Variants in MAP4K4 observed in about 807,000 individuals in gnomAD.
MAP4K4 encodes the protein HPK/GCK-like kinase HGK.
MAP4K4 carries 38 observed loss-of-function variants against 189.6 expected under a neutral mutation model. The ratio of observed to expected loss-of-function variants is 0.20; its 90% CI spans 0.15 to 0.26. The LOEUF is 0.26. Among genes scored for constraint, MAP4K4 ranks in the 10% least tolerant of loss-of-function variants. MAP4K4 has a pLI of 1.00. For synonymous variants in MAP4K4, 610 were observed against 624.3 expected, an observed-to-expected ratio of 0.98 and a Z score of 0.34; for missense variants, 1,054 against 1,726.9, an observed-to-expected ratio of 0.61 and a Z score of 6.91.
exon 20 of MAP4K4, chr2:101,867,240 T>C: frequency 6.2e-7 from 1 of 1,605,766 alleles, no homozygotes; most frequent in African/African-American, 1.3e-5. Context: ...GCTCTCCATC[T>C]CAGCGCCTGG....
At chr2:101,855,013 GA>G (rs368951880) in intron 12 of MAP4K4, among the ~76,000 whole-genome samples, 129 of 152,348 alleles carry the variant, frequency 8.5e-4, no homozygotes, top group African/African-American at 3.0e-3. Flanking sequence ...TGCAGAGACA[GA>G]ACATTTTTAT....
chr2:101,698,341 CGG>C, intron 1 of MAP4K4, 130 bp from the exon 2 acceptor site: 1 of 900,424 alleles, frequency 1.1e-6, no homozygotes, highest in Non-Finnish European at 1.8e-6. Context: ...GCGCGACCCC[CGG>C]GCGCTGGGGG....
At chr2:101,890,617 A>T (rs1460404802) in intron 32 of MAP4K4, among the ~76,000 whole-genome samples, 1 of 150,656 alleles carries the variant, frequency 6.6e-6, no homozygotes, top group South Asian at 2.1e-4. Flanking sequence ...CACCATGCCC[A>T]GCTAATTTTT....
intron 2 of MAP4K4, 56 bp downstream of exon 2, chr2:101,698,594 G>T: frequency 6.5e-7 from 1 of 1,535,570 alleles, no homozygotes; most frequent in Non-Finnish European, 9.0e-7. Flanking sequence ...CTTATTGGGG[G>T]ACGAGGAGAG....
chr2:101,861,279 T>C (rs1377935775), intron 16 of MAP4K4: 2 of 251,790 alleles, frequency 7.9e-6, no homozygotes, highest in African/African-American at 4.5e-5. Flanking sequence ...GATACAAAGA[T>C]CTTTTAGTTT....
chr2:101,848,921 G>C (rs1291168940), intron 12 of MAP4K4, among the ~76,000 whole-genome samples: 1 of 152,100 alleles, frequency 6.6e-6, no homozygotes, highest in East Asian at 1.9e-4. Context: ...GATGGTTCCA[G>C]GAGGAAAAGG....
At chr2:101,797,203 G>C in intron 3 of MAP4K4, 1 of 1,278,816 alleles carries the variant, frequency 7.8e-7, no homozygotes, top group Non-Finnish European at 1.0e-6. Flanking sequence ...AAGGGAAGGA[G>C]AGATCTCTGT....
chr2:101,883,297 TTCTCATGAAGTAAAA>T (rs974462547), intron 28 of MAP4K4, among the ~76,000 whole-genome samples: 3 of 152,238 alleles, frequency 2.0e-5, no homozygotes, highest in Non-Finnish European at 4.4e-5. Context: ...GAAGCAGTGA[TTCTCATGAAGTAAAA>T]TCTCACAGGA....
chr2:101,788,430 T>G (rs995309791), intron 2 of MAP4K4, among the ~76,000 whole-genome samples: 1 of 152,164 alleles, frequency 6.6e-6, no homozygotes, highest in African/African-American at 2.4e-5. Context: ...TAAGCAACTT[T>G]CCTGAGGAAA....
At chr2:101,761,513 A>G (rs957841865) in intron 2 of MAP4K4, among the ~76,000 whole-genome samples, 1 of 150,474 alleles carries the variant, frequency 6.6e-6, no homozygotes, top group African/African-American at 2.4e-5. Flanking sequence ...CTCACTTTAC[A>G]GGCAGGTAAT....
At chr2:101,871,506 C>G in exon 24 of MAP4K4, 1 of 1,534,526 alleles carries the variant, frequency 6.5e-7, no homozygotes, top group East Asian at 2.4e-5. Flanking sequence ...TACAGTTGAC[C>G]AAAAGCGTGC....
chr2:101,826,788 T>C (rs537799404), intron 5 of MAP4K4, among the ~76,000 whole-genome samples: 4 of 152,326 alleles, frequency 2.6e-5, no homozygotes, highest in Middle Eastern at 3.4e-3. Flanking sequence ...AAATTACTTT[T>C]GTTAGGAGAA....
chr2:101,866,343 A>G, intron 18 of MAP4K4, 85 bp from the exon 19 acceptor site: 3 of 1,333,962 alleles, frequency 2.2e-6, no homozygotes, highest in Non-Finnish European at 3.1e-6. Flanking sequence ...AAGACATTGG[A>G]TGGGCACACC....
chr2:101,871,769 A>G, intron 24 of MAP4K4, 84 bp downstream of exon 24: 1 of 1,266,488 alleles, frequency 7.9e-7, no homozygotes, highest in Non-Finnish European at 1.1e-6. Flanking sequence ...GACCTTTCCA[A>G]CACCCTCACC....
chr2:101,749,209 C>G (rs1263222287), intron 2 of MAP4K4, among the ~76,000 whole-genome samples: 27 of 151,990 alleles, frequency 1.8e-4, no homozygotes, highest in African/African-American at 6.3e-4. Flanking sequence ...CAAGTCAATC[C>G]TAAGCCAAAA....
At chr2:101,760,876 G>A (rs570333310) in intron 2 of MAP4K4, among the ~76,000 whole-genome samples, 2 of 152,238 alleles carry the variant, frequency 1.3e-5, no homozygotes, top group African/African-American at 4.8e-5. Flanking sequence ...GGTGGCGCAT[G>A]CCTGTAATCC....
At chr2:101,870,574 G>A (rs1344970049) in intron 23 of MAP4K4, 159 bp downstream of exon 23, 2 of 917,034 alleles carry the variant, frequency 2.2e-6, no homozygotes, top group South Asian at 1.7e-5. Context: ...AGGGAGGCAG[G>A]TGTGTACTGC....
chr2:101,744,818 ACCTTTAAAG>A (rs2064471244), intron 2 of MAP4K4, among the ~76,000 whole-genome samples: 1 of 152,140 alleles, frequency 6.6e-6, no homozygotes, highest in Non-Finnish European at 1.5e-5. Context: ...ATAGTTCCAA[ACCTTTAAAG>A]CCTCTGTTAT....
intron 3 of MAP4K4, among the ~76,000 whole-genome samples, chr2:101,806,523 G>T (rs1218353185): frequency 6.6e-6 from 1 of 151,992 alleles, no homozygotes; most frequent in African/African-American, 2.4e-5. Context: ...CTACAGGCAC[G>T]TGCCACCGTG....
Sources: allele counts gnomAD v4.1 joint callset (sites outside exome capture counted in the v4.1 genomes callset), GRCh38; gene constraint gnomAD v4.1.1; transcripts MANE v1.5; gene names NCBI Gene and HGNC (gene_info 2026-07-23, HGNC 2026-07-21).